The following CNTN5 variants were observed in gnomAD, a reference collection of about 807,000 sequenced individuals.
CNTN5 encodes contactin 5.
In CNTN5, 77 loss-of-function variants were observed where a neutral mutation model predicts 129.1. That is an observed-to-expected ratio of 0.60 (90% CI 0.50 to 0.72). The LOEUF is 0.72. Ranked by LOEUF, CNTN5 falls within the 30% of genes least tolerant of loss-of-function variation. CNTN5 has a pLI of 0.00. For missense variants in CNTN5, 1,478 were observed against 1,328.8 expected (o/e 1.11, Z -1.75); for synonymous variants, 509 against 465.6 (o/e 1.09, Z -1.20).
chr11:99,869,560 C>T (rs10894036), intron 6 of CNTN5, among the ~76,000 whole-genome samples: 14,301 of 152,092 alleles, frequency 0.094, 1,320 homozygotes, highest in East Asian at 0.42. Context: ...ATCACCCAAA[C>T]GGCAATCATA....
chr11:99,552,267 A>C (rs1376885387), intron 2 of CNTN5, among the ~76,000 whole-genome samples: 2 of 149,358 alleles, frequency 1.3e-5, no homozygotes, highest in African/African-American at 5.0e-5. Context: ...TAGAGACTTC[A>C]GTTTATTCAA....
At chr11:99,091,080 A>T (rs1381441908) in intron 1 of CNTN5, among the ~76,000 whole-genome samples, 1 of 150,266 alleles carries the variant, frequency 6.7e-6, no homozygotes, top group Admixed American at 6.7e-5. Context: ...ACTTTGCAGG[A>T]AATGCAGGAA....
intron 8 of CNTN5, among the ~76,000 whole-genome samples, chr11:99,964,338 A>C (rs999488729): frequency 3.3e-5 from 5 of 152,122 alleles, no homozygotes; most frequent in Non-Finnish European, 5.9e-5. Flanking sequence ...TCCCATCAAT[A>C]CCTAATTTAT....
At chr11:99,379,394 A>T (rs1940387156) in intron 2 of CNTN5, among the ~76,000 whole-genome samples, 1 of 152,030 alleles carries the variant, frequency 6.6e-6, no homozygotes, top group African/African-American at 2.4e-5. Context: ...AATAACGATC[A>T]GTGGGTGATT....
At chr11:99,935,528 A>G (rs182008051) in intron 7 of CNTN5, among the ~76,000 whole-genome samples, 1 of 152,120 alleles carries the variant, frequency 6.6e-6, no homozygotes, top group East Asian at 1.9e-4. Flanking sequence ...TCTTATTGTA[A>G]ATTGCTTTGC....
intron 2 of CNTN5, among the ~76,000 whole-genome samples, chr11:99,519,124 C>T (rs927096950): frequency 3.9e-5 from 6 of 152,144 alleles, no homozygotes; most frequent in African/African-American, 7.2e-5. Flanking sequence ...TAATCAAACT[C>T]GTCTTTTTTT....
intron 1 of CNTN5, among the ~76,000 whole-genome samples, chr11:99,141,173 CTTG>C (rs1859496661): frequency 1.3e-5 from 2 of 151,888 alleles, no homozygotes; most frequent in South Asian, 4.1e-4. Context: ...AGTTTTGGAT[CTTG>C]TTATTTGTCC....
chr11:99,797,808 T>C lies in CNTN5; in HGVS notation c.56-21736T>C, dbSNP rs144063566. 2.7e-3 allele frequency among the ~76,000 whole-genome samples: 415 copies of C among 152,288 alleles called. 2 individuals are homozygous for C. Among genetic ancestry groups the C allele is most frequent in the African/African-American group, 9.3e-3 (387 of 41,552 alleles). On this transcript the variant is annotated intron_variant, in intron 3 of 24. Coordinates refer to ENST00000524871, the MANE Select transcript of CNTN5 (RefSeq NM_014361.4). The stretch of plus-strand genomic sequence containing the variant: ...CCCACTTGTCAATTTTTGTGTGTGT[T>C]GGAATAGGATTTTTTAAAGTTAAAA...
chr11:99,710,831 A>G (rs1231177325), intron 3 of CNTN5, among the ~76,000 whole-genome samples: 2 of 151,912 alleles, frequency 1.3e-5, no homozygotes, highest in African/African-American at 2.4e-5. Flanking sequence ...GAATAGTTAT[A>G]AAATCCTTTA....
intron 2 of CNTN5, among the ~76,000 whole-genome samples, chr11:99,483,951 C>A (rs573341886): frequency 1.3e-5 from 2 of 152,004 alleles, no homozygotes; most frequent in South Asian, 2.1e-4. Context: ...AACTGTAAAA[C>A]TAGTAGAAGA....
intron 1 of CNTN5, among the ~76,000 whole-genome samples, chr11:99,222,739 A>G (rs1860460593): frequency 6.6e-6 from 1 of 152,136 alleles, no homozygotes; most frequent in Non-Finnish European, 1.5e-5. Context: ...GCAGGATATA[A>G]AGTTTCTGTG....
chr11:99,849,306 A>AGTATCAT (rs1183171961), intron 6 of CNTN5, among the ~76,000 whole-genome samples: 2 of 151,800 alleles, frequency 1.3e-5, no homozygotes, highest in Non-Finnish European at 2.9e-5. Flanking sequence ...TTTGATTTTT[A>AGTATCAT]GTATCATTAA....
intron 21 of CNTN5, among the ~76,000 whole-genome samples, chr11:100,332,282 C>G (rs1346591389): frequency 6.6e-6 from 1 of 151,656 alleles, no homozygotes; most frequent in African/African-American, 2.4e-5. Context: ...TAGAGTAAAC[C>G]AAGAAATATA....
intron 3 of CNTN5, among the ~76,000 whole-genome samples, chr11:99,734,720 T>G (rs1297455212): frequency 6.8e-6 from 1 of 148,074 alleles, no homozygotes; most frequent in Non-Finnish European, 1.5e-5. Context: ...TTTTTTTTTT[T>G]GCCTGCTTCC....
At chr11:99,220,299 C>G (rs1426819943) in intron 1 of CNTN5, among the ~76,000 whole-genome samples, 2 of 151,942 alleles carry the variant, frequency 1.3e-5, no homozygotes, top group African/African-American at 4.8e-5. Flanking sequence ...CTGTGCTTTG[C>G]CATTGTAATA....
chr11:99,283,085 T>G (rs1428051508), intron 1 of CNTN5, among the ~76,000 whole-genome samples: 1 of 152,100 alleles, frequency 6.6e-6, no homozygotes, highest in Non-Finnish European at 1.5e-5. Flanking sequence ...AAGAGCATGT[T>G]GGAAATAGTC....
At chr11:100,006,015 G>A (rs1940167273) in intron 9 of CNTN5, among the ~76,000 whole-genome samples, 1 of 152,026 alleles carries the variant, frequency 6.6e-6, no homozygotes, top group African/African-American at 2.4e-5. Context: ...CCACAATAAA[G>A]CAAATTTCAC....
At chr11:99,447,323 G>A (rs1299456296) in intron 2 of CNTN5, among the ~76,000 whole-genome samples, 2 of 152,032 alleles carry the variant, frequency 1.3e-5, no homozygotes, top group South Asian at 2.1e-4. Context: ...TTAGGCACAC[G>A]ATTTTTCATA....
chr11:100,113,335 A>G (rs865778558), intron 13 of CNTN5, among the ~76,000 whole-genome samples: 12 of 142,020 alleles, frequency 8.4e-5, no homozygotes, highest in Middle Eastern at 3.6e-3. Flanking sequence ...TGGTATCGCC[A>G]TGTAACCTGA....
Sources: allele counts gnomAD v4.1 joint callset (sites outside exome capture counted in the v4.1 genomes callset), GRCh38; gene constraint gnomAD v4.1.1; transcripts MANE v1.5; gene names NCBI Gene and HGNC (gene_info 2026-07-23, HGNC 2026-07-21).